The following CD82 variants were observed in gnomAD, a reference collection of about 807,000 sequenced individuals.
The protein encoded by CD82 is CD82 antigen.
In CD82, 36 loss-of-function variants were observed where a neutral mutation model predicts 37.4. The ratio of observed to expected loss-of-function variants is 0.96; its 90% CI spans 0.74 to 1.27. The LOEUF (loss-of-function observed/expected upper bound fraction) is 1.27. Ranked by LOEUF, CD82 falls within the 50% of genes most tolerant of loss-of-function variation. The probability of loss-of-function intolerance (pLI) is 0.00; values close to 1 mark genes in which losing one functional copy is unlikely to be tolerated. For synonymous variants in CD82, 158 were observed against 137.4 expected, an observed-to-expected ratio of 1.15 and a Z score of -1.05; for missense variants, 340 against 347.0, an observed-to-expected ratio of 0.98 and a Z score of 0.16.
chr11:44,578,400 T>C (rs1852931187), intron 1 of CD82, among the ~76,000 whole-genome samples: 1 of 152,184 alleles, frequency 6.6e-6, no homozygotes, highest in African/African-American at 2.4e-5. Flanking sequence ...GTCCCATGCC[T>C]GGCCCCTGGG....
chr11:44,577,186 G>A (rs1852905277), intron 1 of CD82, among the ~76,000 whole-genome samples: 1 of 152,202 alleles, frequency 6.6e-6, no homozygotes, highest in Admixed American at 6.5e-5. Context: ...TGGTGCTGTG[G>A]GGAAGGAGGG....
In CD82 at chr11:44,619,233, T is replaced by A; in HGVS notation, c.*107T>A. 1.1e-6 allele frequency: 1 copy of A among 878,940 alleles called. No homozygotes were observed. The highest frequency in any genetic ancestry group is 1.9e-6 in the Non-Finnish European group (1 of 522,750). The allele number at this position is 878,940 out of a possible 1,614,324, so 54.4% of individuals were successfully genotyped here. A position where few individuals can be genotyped will look rare whatever the true frequency, so the allele number is the denominator to read the frequency against. ...GCCTCCCACTTCACTGCGAAGACCC[T>A]CTTGCCCATCCTGACTGAAAGTAGG... On this transcript the variant is annotated 3_prime_UTR_variant, in exon 10 of 10. Transcript: ENST00000227155.
At position 44,605,131 on chromosome 11, in the gene CD82, C is replaced by T. The variant is rs949262459; in HGVS notation, c.210C>T (p.Gly70=). ...IGVGAVTMLM[G]FLGCIGAVNE... is the part of the protein sequence containing the mutation. ...TGGGGGCAGTCACTATGCTCATGGG[C>T]TTCCTGGGCTGCATCGGCGCCGTCA... is the stretch of plus-strand genomic sequence containing the variant. The change falls in exon 5 of 10, where the codon GGC becomes GGT. Residue 70 remains glycine, a synonymous_variant. Coordinates refer to ENST00000227155, the MANE Select transcript of CD82 (RefSeq NM_002231.4). The T allele has an allele frequency of 6.2e-7, 1 of 1,614,206 alleles. No homozygotes were observed. The highest frequency in any genetic ancestry group is 1.7e-5 in the Admixed American group (1 of 60,028).
intron 3 of CD82, among the ~76,000 whole-genome samples, chr11:44,595,161 C>T (rs897194177): frequency 6.6e-6 from 1 of 152,262 alleles, no homozygotes; most frequent in Non-Finnish European, 1.5e-5. Flanking sequence ...ACCCCCGTCC[C>T]TGTCGTGGGA....
chr11:44,601,304 C>A (rs1853305372), intron 4 of CD82, among the ~76,000 whole-genome samples: 1 of 152,054 alleles, frequency 6.6e-6, no homozygotes, highest in Non-Finnish European at 1.5e-5. Flanking sequence ...GCCCCAGGGG[C>A]TAGGCCTCCC....
chr11:44,575,168 G>C (rs1852872687), intron 1 of CD82, among the ~76,000 whole-genome samples: 1 of 152,216 alleles, frequency 6.6e-6, no homozygotes, highest in Non-Finnish European at 1.5e-5. Context: ...AGGAGGAGGA[G>C]CAGGCTTTTA....
At chr11:44,583,724 T>A (rs1476705587) in intron 1 of CD82, among the ~76,000 whole-genome samples, 1 of 152,228 alleles carries the variant, frequency 6.6e-6, no homozygotes, top group Non-Finnish European at 1.5e-5. Flanking sequence ...AGTCCCTCTA[T>A]CTGTTAAATG....
chr11:44,594,846 C>T, intron 3 of CD82, 121 bp downstream of exon 3: 2 of 793,966 alleles, frequency 2.5e-6, no homozygotes, highest in Admixed American at 1.9e-5. Flanking sequence ...TGGGTAGGGA[C>T]TGAGGACGAA....
intron 1 of CD82, among the ~76,000 whole-genome samples, chr11:44,585,612 C>T (rs1853042936): frequency 6.6e-6 from 1 of 152,180 alleles, no homozygotes; most frequent in Middle Eastern, 3.2e-3. Context: ...AGCAGCTCTG[C>T]AGTGTTTCCC....
intron 1 of CD82, among the ~76,000 whole-genome samples, chr11:44,567,590 G>T (rs964497386): frequency 1.3e-5 from 2 of 152,062 alleles, no homozygotes; most frequent in Non-Finnish European, 1.5e-5. Flanking sequence ...GTTTGGTATG[G>T]TGGGGAGGGA....
chr11:44,574,292 T>G (rs556560950), intron 1 of CD82, among the ~76,000 whole-genome samples: 5 of 152,182 alleles, frequency 3.3e-5, no homozygotes, highest in Non-Finnish European at 7.4e-5. Flanking sequence ...ATGGACCACA[T>G]CCAGCCTTTG....
intron 1 of CD82, among the ~76,000 whole-genome samples, chr11:44,580,548 A>C (rs1852965580): frequency 6.6e-6 from 1 of 152,176 alleles, no homozygotes; most frequent in African/African-American, 2.4e-5. Flanking sequence ...CCCCGTCTCT[A>C]TTAAAAATAC....
At chr11:44,573,113 G>A (rs933467676) in intron 1 of CD82, 8 of 152,306 alleles carry the variant, frequency 5.3e-5, no homozygotes, top group African/African-American at 1.9e-4. Flanking sequence ...CGGGGATTTG[G>A]TAGGGGAGCG....
intron 1 of CD82, among the ~76,000 whole-genome samples, chr11:44,575,395 G>A (rs1399344726): frequency 2.0e-5 from 3 of 152,212 alleles, no homozygotes; most frequent in Non-Finnish European, 4.4e-5. Flanking sequence ...GTGGGAAGAT[G>A]AGTCAGTGGG....
At chr11:44,600,358 T>C in intron 4 of CD82, 128 bp downstream of exon 4, 1 of 848,374 alleles carries the variant, frequency 1.2e-6, no homozygotes, top group South Asian at 1.6e-5. Flanking sequence ...CTCAGGGATG[T>C]GGCGAGGTCC....
intron 1 of CD82, among the ~76,000 whole-genome samples, chr11:44,572,276 A>G (rs2134617083): frequency 6.6e-6 from 1 of 152,306 alleles, no homozygotes; most frequent in Non-Finnish European, 1.5e-5. Context: ...CATGTAACGT[A>G]CCCGTTACGA....
intron 1 of CD82, among the ~76,000 whole-genome samples, chr11:44,571,530 G>T (rs1590324377): frequency 6.6e-6 from 1 of 152,286 alleles, no homozygotes; most frequent in East Asian, 1.9e-4. Flanking sequence ...CTGGCACATA[G>T]TTAGTGCTAT....
chr11:44,615,134 G>T (rs12788360), intron 6 of CD82, 138 bp from the exon 7 acceptor site: 188,770 of 644,790 alleles, frequency 0.29, 30,145 homozygotes, highest in Non-Finnish European at 0.34. Flanking sequence ...CCCTGGGAGC[G>T]CCAGGAAAGT....
chr11:44,578,989 C>T (rs550605933), intron 1 of CD82, among the ~76,000 whole-genome samples: 2 of 152,260 alleles, frequency 1.3e-5, no homozygotes, highest in African/African-American at 4.8e-5. Context: ...TTCATTTTGT[C>T]TTAGCCGCTG....
Sources: gnomAD v4.1 joint callset for allele counts (sites outside exome capture counted in the v4.1 genomes callset) on GRCh38, gnomAD v4.1.1 for gene constraint, MANE v1.5 for transcripts, NCBI Gene and HGNC (gene_info 2026-07-23, HGNC 2026-07-21) for gene names.